The following ZNF512 variants were observed in gnomAD, a reference collection of about 807,000 sequenced individuals.
ZNF512 encodes the protein zinc finger protein 512.
Under a neutral mutation model 77.5 loss-of-function variants are expected in ZNF512, and 25 were observed. That is an observed-to-expected ratio of 0.32 (90% CI 0.23 to 0.45). The LOEUF is 0.45. Ranked by LOEUF, ZNF512 falls within the 20% of genes least tolerant of loss-of-function variation. The probability of loss-of-function intolerance (pLI) is 1.00; values close to 1 mark genes in which losing one functional copy is unlikely to be tolerated. For synonymous variants in ZNF512, 246 were observed against 239.9 expected (o/e 1.03, Z -0.24); for missense variants, 483 against 692.6 (o/e 0.70, Z 3.40).
intron 2 of ZNF512, among the ~76,000 whole-genome samples, chr2:27,584,751 T>A (rs913169468): frequency 1.5e-4 from 23 of 152,120 alleles, no homozygotes; most frequent in Admixed American, 8.5e-4. Context: ...TGTGAACGTG[T>A]GGAAAGAGTT....
Position 27,621,667 on chromosome 2 carries a change from C to T in ZNF512, c.*206C>T. 1.9e-6 allele frequency: 1 copy of T among 536,006 alleles called. No homozygotes were observed. The highest frequency in any genetic ancestry group is 3.2e-6 in the Non-Finnish European group (1 of 310,684). The allele number at this position is 536,006 out of a possible 1,614,324, so 33.2% of individuals were successfully genotyped here. On this transcript the variant is annotated 3_prime_UTR_variant, in exon 14 of 14. Coordinates refer to ENST00000355467, the MANE Select transcript of ZNF512 (RefSeq NM_032434.4). ...CTTTTAGTAGGTTTTCCTGCTATTCCTCGTCAAGTCCTCTTGTTTTTTTAT... is the reference window on the plus strand; with the variant it reads ...CTTTTAGTAGGTTTTCCTGCTATTCTTCGTCAAGTCCTCTTGTTTTTTTAT...
intron 1 of ZNF512, 85 bp downstream of exon 1, chr2:27,583,227 G>T: frequency 6.2e-7 from 1 of 1,600,182 alleles, no homozygotes; most frequent in Non-Finnish European, 8.6e-7. Flanking sequence ...GTCCCATGCT[G>T]AGTTGGTTTT....
intron 1 of ZNF512, 66 bp from the exon 2 acceptor site, chr2:27,583,592 A>T (rs932774580): frequency 1.3e-5 from 20 of 1,595,968 alleles, no homozygotes; most frequent in Non-Finnish European, 1.7e-5. Flanking sequence ...GCATAGGGGA[A>T]TTCGTCTTTT....
chr2:27,620,540 C>T (rs1176115437), intron 13 of ZNF512, among the ~76,000 whole-genome samples: 11 of 152,106 alleles, frequency 7.2e-5, no homozygotes, highest in African/African-American at 2.4e-4. Context: ...TGGAGTCTTG[C>T]AGTGGGGCAG....
At chr2:27,594,581 G>A (rs375783238) in intron 2 of ZNF512, among the ~76,000 whole-genome samples, 5 of 149,118 alleles carry the variant, frequency 3.4e-5, no homozygotes, top group African/African-American at 1.2e-4. Flanking sequence ...TGGGCGGCCA[G>A]GCAGAGACGC....
intron 10 of ZNF512, 107 bp from the exon 11 acceptor site, chr2:27,615,061 G>A: frequency 1.5e-6 from 1 of 674,784 alleles, no homozygotes; most frequent in South Asian, 2.0e-5. Context: ...GTGTACAAGA[G>A]TATAGATTTC....
At position 27,623,026 on chromosome 2, in the gene ZNF512, G is replaced by C. The variant is rs1200690454; in HGVS notation, c.*1565G>C. The C allele has an allele frequency of 6.5e-6, 1 of 152,812 alleles. No homozygotes were observed. The highest frequency in any genetic ancestry group is 1.5e-5 in the Non-Finnish European group (1 of 68,052). 9.5% of individuals were successfully genotyped at this position (152,812 alleles called of 1,614,324 possible). A position where few individuals can be genotyped will look rare whatever the true frequency, so the allele number is the denominator to read the frequency against. ...CAGGGAGGAGAAATGAAGAAGCTAT[G>C]TTAATTTCTGGTGAGTAAGACCTGG... On this transcript the variant is annotated 3_prime_UTR_variant, in exon 14 of 14. Coordinates refer to ENST00000355467, the MANE Select transcript of ZNF512 (RefSeq NM_032434.4).
intron 2 of ZNF512, 23 bp downstream of exon 2, chr2:27,583,739 C>T (rs1359137419): frequency 6.2e-7 from 1 of 1,612,764 alleles, no homozygotes. Flanking sequence ...TTCTAAGGTC[C>T]TTTTATGATT....
At chr2:27,602,323 C>A in intron 7 of ZNF512, 140 bp from the exon 8 acceptor site, 1 of 677,820 alleles carries the variant, frequency 1.5e-6, no homozygotes, top group Non-Finnish European at 2.5e-6. Flanking sequence ...AGATGGAGAA[C>A]ACCAGGAGTC....
chr2:27,606,177 C>T (rs1030992484), intron 9 of ZNF512, among the ~76,000 whole-genome samples: 1 of 151,860 alleles, frequency 6.6e-6, no homozygotes, highest in Non-Finnish European at 1.5e-5. Flanking sequence ...TTTTTGTTGT[C>T]TTATTAAGTT....
Position 27,616,333 on chromosome 2 carries a change from C to T in ZNF512, c.1296+9C>T. 6.2e-7 allele frequency: 1 copy of T among 1,608,550 alleles called. No homozygotes were observed. Among genetic ancestry groups the T allele is most frequent in the South Asian group, 1.1e-5 (1 of 90,966 alleles). On this transcript the variant is annotated intron_variant, in intron 12 of 13. Transcript: ENST00000355467. ...TGGGCTCTTGTACATTGGTTTGTAA[C>T]TTTTTAAACTTACTATCTTAACATG...
chr2:27,617,967 T>TA (rs1166231758), intron 13 of ZNF512, among the ~76,000 whole-genome samples: 4 of 150,776 alleles, frequency 2.7e-5, no homozygotes, highest in Admixed American at 6.6e-5. Context: ...TTTTTTTTTT[T>TA]AGACGGAGTC....
intron 2 of ZNF512, among the ~76,000 whole-genome samples, chr2:27,589,629 G>A (rs1270631378): frequency 6.6e-6 from 1 of 151,880 alleles, no homozygotes; most frequent in Non-Finnish European, 1.5e-5. Flanking sequence ...TCCTTTTAAG[G>A]TATCTTAAGA....
In ZNF512 at chr2:27,607,836, T is replaced by C. The variant is rs139199966; in HGVS notation, c.937-9T>C. On this transcript the variant is annotated splice_polypyrimidine_tract_variant and intron_variant, in intron 9 of 13. Coordinates refer to ENST00000355467, the MANE Select transcript of ZNF512 (RefSeq NM_032434.4). ...CAGGCCTGTGTTTTGCTGTGTCTCA[T>C]TCTTGCAGATATCCTTCTTTCCAGA... 7 of 1,614,064 alleles carry C rather than the reference T, an allele frequency of 4.3e-6. No homozygotes were observed. Among genetic ancestry groups the C allele is most frequent in the Non-Finnish European group, 5.9e-6 (7 of 1,179,954 alleles).
chr2:27,604,142 G>A (rs1005772391), intron 9 of ZNF512, among the ~76,000 whole-genome samples: 6 of 151,788 alleles, frequency 4.0e-5, no homozygotes, highest in African/African-American at 1.5e-4. Context: ...GGCCAGGCTG[G>A]TCTCGAACTC....
intron 2 of ZNF512, among the ~76,000 whole-genome samples, chr2:27,591,282 G>C (rs1671565598): frequency 6.6e-6 from 1 of 152,082 alleles, no homozygotes; most frequent in Non-Finnish European, 1.5e-5. Context: ...GAGATGTTTT[G>C]ATACAGGCAT....
At chr2:27,592,746 C>T (rs922385562) in intron 2 of ZNF512, among the ~76,000 whole-genome samples, 5 of 125,302 alleles carry the variant, frequency 4.0e-5, no homozygotes, top group Admixed American at 3.3e-4. Context: ...GTGCAAATGG[C>T]GCGATCTTGG....
intron 8 of ZNF512, 56 bp downstream of exon 8, chr2:27,602,617 C>T (rs897508721): frequency 3.4e-6 from 5 of 1,477,014 alleles, no homozygotes; most frequent in South Asian, 1.3e-5. Flanking sequence ...CAATGTCTTT[C>T]GTTCTTCTTT....
rs112688190 is a variant in ZNF512 at position 27,599,623 on chromosome 2, G to A, written c.318G>A (p.Arg106=). Residue 106 remains arginine, a synonymous_variant, in exon 4 of 14, where the codon AGG becomes AGA. Transcript: ENST00000355467. ...GVSAKGKRKP[R]QEEDEDYREF... The stretch of plus-strand genomic sequence containing the variant: ...CAGCCAAGGGGAAAAGGAAACCCAG[G>A]CAGGAAGAAGATGAAGACTATCGAG... The A allele has an allele frequency of 8.6e-4, 1,381 of 1,614,180 alleles. 10 individuals carry two copies. The African/African-American group carries it at 0.017, about 19-fold the overall frequency.
Sources: gnomAD v4.1 joint callset for allele counts (sites outside exome capture counted in the v4.1 genomes callset) on GRCh38, gnomAD v4.1.1 for gene constraint, MANE v1.5 for transcripts, NCBI Gene and HGNC (gene_info 2026-07-23, HGNC 2026-07-21) for gene names.